CATSPERB: variants seen among roughly 807,000 people sequenced by gnomAD.
The protein encoded by CATSPERB is cation channel sperm-associated auxiliary subunit beta.
Under a neutral mutation model 128.3 loss-of-function variants are expected in CATSPERB, and 93 were observed. The observed-to-expected ratio is 0.72, with a 90% CI of 0.61 to 0.86. The LOEUF (loss-of-function observed/expected upper bound fraction) is 0.86, where lower values mean the gene tolerates loss of function less well. Among genes scored for constraint, CATSPERB ranks in the 40% least tolerant of loss-of-function variants. The pLI, the probability that CATSPERB is intolerant of heterozygous loss-of-function variation, is 0.00. For synonymous variants in CATSPERB, 381 were observed against 448.8 expected (o/e 0.85, Z 1.91); for missense variants, 1,153 against 1,329.5 (o/e 0.87, Z 2.06).
chr14:91,591,300 C>T (rs548159890), intron 23 of CATSPERB, among the ~76,000 whole-genome samples: 33 of 152,004 alleles, frequency 2.2e-4, no homozygotes, highest in African/African-American at 5.3e-4. Flanking sequence ...GGTGATCCAC[C>T]GGCGTTGGCC....
At chr14:91,694,359 G>A (rs951122646) in intron 7 of CATSPERB, among the ~76,000 whole-genome samples, 13 of 150,334 alleles carry the variant, frequency 8.6e-5, no homozygotes, top group African/African-American at 3.0e-4. Flanking sequence ...TGAGAGGATC[G>A]GTTGAGCTTG....
rs189800028 is a variant in CATSPERB at position 91,629,014 on chromosome 14, G to C, written c.1743-4007C>G. Among the ~76,000 whole-genome samples the C allele has an allele frequency of 2.3e-4, 35 of 152,144 alleles. 1 individual carries two copies. The highest frequency in any genetic ancestry group is 2.2e-3 in the Admixed American group (34 of 15,270). ...AGCATACAATCAAGCAAAATGCCTT[G>C]GTATTTACCCAAATGAGTCGAAAAC... On this transcript the variant is annotated intron_variant, in intron 17 of 26. Transcript: ENST00000256343.
chr14:91,624,652 A>T (rs1269327755), intron 18 of CATSPERB, among the ~76,000 whole-genome samples, 168 bp downstream of exon 18: 6 of 152,268 alleles, frequency 3.9e-5, no homozygotes, highest in Middle Eastern at 3.4e-3. Flanking sequence ...AAAAAAAAAA[A>T]AAACAAAAAA....
chr14:91,594,518 T>C (rs1893470644), intron 22 of CATSPERB, among the ~76,000 whole-genome samples: 1 of 151,920 alleles, frequency 6.6e-6, no homozygotes. Flanking sequence ...CCTTTTGAAC[T>C]CTGCCATGAT....
At chr14:91,604,833 T>C (rs1893669977) in intron 22 of CATSPERB, 3 of 1,522,818 alleles carry the variant, frequency 2.0e-6, no homozygotes, top group Admixed American at 1.7e-5. Context: ...GTCACACCAT[T>C]GCTATTCTTT....
chr14:91,676,166 C>T (rs774023347), intron 11 of CATSPERB, among the ~76,000 whole-genome samples: 4 of 152,134 alleles, frequency 2.6e-5, no homozygotes, highest in Non-Finnish European at 4.4e-5. Flanking sequence ...AATTCTTTTA[C>T]ATGTTTGGCT....
intron 22 of CATSPERB, among the ~76,000 whole-genome samples, chr14:91,606,079 G>C (rs1319918318): frequency 6.6e-6 from 1 of 152,090 alleles, no homozygotes; most frequent in Non-Finnish European, 1.5e-5. Context: ...GGGAGGCTGA[G>C]GCAGGAGAAT....
chr14:91,672,175 G>A (rs889629722), intron 13 of CATSPERB, among the ~76,000 whole-genome samples: 1 of 152,072 alleles, frequency 6.6e-6, no homozygotes, highest in African/African-American at 2.4e-5. Flanking sequence ...AATTTGCAAG[G>A]CTCCACTCAT....
intron 7 of CATSPERB, among the ~76,000 whole-genome samples, chr14:91,703,372 A>G (rs1895681743): frequency 1.3e-5 from 2 of 152,172 alleles, no homozygotes; most frequent in South Asian, 4.1e-4. Flanking sequence ...ATCCTTTGTT[A>G]TAACATTTGG....
At chr14:91,658,256 T>C (rs1894818777) in intron 15 of CATSPERB, among the ~76,000 whole-genome samples, 1 of 152,052 alleles carries the variant, frequency 6.6e-6, no homozygotes, top group Non-Finnish European at 1.5e-5. Context: ...CTGGAGGACA[T>C]GATGTTAAGT....
rs771960479 is a variant in CATSPERB at position 91,729,459 on chromosome 14, A to T, written c.21T>A (p.Tyr7Ter). The change falls in exon 2 of 27, where the codon TAT becomes TAA. Residue 7 changes from tyrosine (Y) to a stop codon, truncating the protein, a stop_gained. Transcript: ENST00000256343. LOFTEE classifies it high-confidence loss of function. MESPLI[Y>*]VSVLLLNIFE... ...ATATGTTCAAAAGCAAAACTGAAAC[A>T]TATATAAGTGGCGATTCCATCTGTT... 25 of 1,534,464 alleles carry T rather than the reference A, an allele frequency of 1.6e-5. No individual in the cohort carries two copies. Among genetic ancestry groups the T allele is most frequent in the Non-Finnish European group, 1.9e-5 (21 of 1,117,162 alleles).
intron 14 of CATSPERB, among the ~76,000 whole-genome samples, chr14:91,669,108 G>C (rs534922256): frequency 1.3e-5 from 2 of 152,286 alleles, no homozygotes; most frequent in Non-Finnish European, 2.9e-5. Context: ...TAAACATTTA[G>C]TGTGAAAAAC....
At chr14:91,591,850 T>C in intron 23 of CATSPERB, 42 bp downstream of exon 23, 1 of 1,330,924 alleles carries the variant, frequency 7.5e-7, no homozygotes, top group Non-Finnish European at 1.1e-6. Context: ...ATCTTGTTAA[T>C]AAGAAAGTAT....
chr14:91,731,700 A>G (rs10162471), intron 1 of CATSPERB, among the ~76,000 whole-genome samples: 96,273 of 151,982 alleles, frequency 0.63, 30,878 homozygotes, highest in Non-Finnish European at 0.67. Flanking sequence ...CCCAGTTATC[A>G]TTCCTTTGTA....
chr14:91,716,503 A>C (rs1895941673), intron 5 of CATSPERB, among the ~76,000 whole-genome samples: 1 of 152,002 alleles, frequency 6.6e-6, no homozygotes, highest in African/African-American at 2.4e-5. Flanking sequence ...ACTTGAACCC[A>C]GGAGGCGGAG....
chr14:91,606,526 G>T (rs1479891584), intron 22 of CATSPERB, among the ~76,000 whole-genome samples: 1 of 152,194 alleles, frequency 6.6e-6, no homozygotes, highest in Non-Finnish European at 1.5e-5. Flanking sequence ...TCACGCCACT[G>T]CACTCCAGCC....
chr14:91,703,646 A>T (rs1895688251), intron 7 of CATSPERB, among the ~76,000 whole-genome samples: 2 of 152,220 alleles, frequency 1.3e-5, no homozygotes, highest in African/African-American at 4.8e-5. Context: ...CTTACAGTGC[A>T]GGTTTTGGAA....
chr14:91,711,402 T>C (rs1166560110), intron 5 of CATSPERB, among the ~76,000 whole-genome samples: 1 of 152,158 alleles, frequency 6.6e-6, no homozygotes, highest in Non-Finnish European at 1.5e-5. Context: ...AGCTAATTTT[T>C]GTATTTTTAG....
rs1402592239 is a variant in CATSPERB at position 91,715,207 on chromosome 14, A to T, written c.370+4211T>A. On this transcript the variant is annotated intron_variant, in intron 5 of 26. Coordinates refer to ENST00000256343, the MANE Select transcript of CATSPERB (RefSeq NM_024764.4). Reference sequence around the variant, plus strand: ...CTGGGTGAAATAAATTTTTAAAAAGATGTAAACAAATGGAGAGACACAGTG... The same window carrying T: ...CTGGGTGAAATAAATTTTTAAAAAGTTGTAAACAAATGGAGAGACACAGTG... 3 of 152,114 alleles carry T rather than the reference A, an allele frequency of 2.0e-5. No individual in the cohort carries two copies. The East Asian group carries it at 5.8e-4, about 29-fold the overall frequency. The allele number at this position is 152,114 out of a possible 1,614,324, so 9.4% of individuals were successfully genotyped here. A position where few individuals can be genotyped will look rare whatever the true frequency, so the allele number is the denominator to read the frequency against.
Sources: allele counts gnomAD v4.1 joint callset (sites outside exome capture counted in the v4.1 genomes callset), GRCh38; gene constraint gnomAD v4.1.1; transcripts MANE v1.5; gene names NCBI Gene and HGNC (gene_info 2026-07-23, HGNC 2026-07-21).